SIPA1L1: variants seen among roughly 807,000 people sequenced by gnomAD.
The protein encoded by SIPA1L1 is signal-induced proliferation-associated 1-like protein 1.
Under a neutral mutation model 162.7 loss-of-function variants are expected in SIPA1L1, and 26 were observed. The ratio of observed to expected loss-of-function variants is 0.16; its 90% CI spans 0.12 to 0.22. The LOEUF is 0.22. Ranked by LOEUF, SIPA1L1 falls within the 10% of genes least tolerant of loss-of-function variation. SIPA1L1 has a pLI of 1.00. For synonymous variants in SIPA1L1, 829 were observed against 837.4 expected, an observed-to-expected ratio of 0.99 and a Z score of 0.17; for missense variants, 1,874 against 2,241.0, an observed-to-expected ratio of 0.84 and a Z score of 3.31.
At chr14:71,525,565 A>G (rs2052781572) in intron 3 of SIPA1L1, among the ~76,000 whole-genome samples, 1 of 152,178 alleles carries the variant, frequency 6.6e-6, no homozygotes, top group South Asian at 2.1e-4. Context: ...AAGCCCATAC[A>G]ATAGAACGTA....
chr14:71,704,624 A>G (rs1217503172), intron 15 of SIPA1L1: 2 of 813,954 alleles, frequency 2.5e-6, no homozygotes, highest in African/African-American at 1.7e-5. Flanking sequence ...TTTATCTCTC[A>G]CTTTTGGAAC....
At position 71,671,722 on chromosome 14, in the gene SIPA1L1, C is replaced by T. The variant is rs772470331; in HGVS notation, c.2829+30C>T. On this transcript the variant is annotated intron_variant, in intron 11 of 23. Transcript: ENST00000381232. ...GTCTCTCCTTCCTCTTCCTTACATGCAGTTTCTCTTTCATAAAGTTTTCAA... is the reference window on the plus strand; with the variant it reads ...GTCTCTCCTTCCTCTTCCTTACATGTAGTTTCTCTTTCATAAAGTTTTCAA... 12 of 1,506,240 alleles carry T rather than the reference C, an allele frequency of 8.0e-6. No individual in the cohort carries two copies. The Admixed American group carries it at 8.2e-5, about 10-fold the overall frequency. The allele number at this position is 1,506,240 out of a possible 1,614,324, so 93.3% of individuals were successfully genotyped here.
At chr14:71,321,230 G>A (rs936428180) in intron 2 of SIPA1L1, 49 bp downstream of exon 2, 1 of 152,198 alleles carries the variant, frequency 6.6e-6, no homozygotes, top group African/African-American at 2.4e-5. Context: ...GGTGCAGGAC[G>A]GCTGACAGCC....
At chr14:71,531,005 C>T (rs1371980826) in intron 4 of SIPA1L1, among the ~76,000 whole-genome samples, 1 of 152,162 alleles carries the variant, frequency 6.6e-6, no homozygotes, top group Non-Finnish European at 1.5e-5. Flanking sequence ...TTTGAATGGT[C>T]AATGAGTTTG....
Position 71,635,970 on chromosome 14 carries a change from G to A in SIPA1L1, c.1818+11734G>A, listed in dbSNP as rs567856841. Among the ~76,000 whole-genome samples, 9 of 152,178 alleles carry A rather than the reference G, an allele frequency of 5.9e-5. No individual in the cohort carries two copies. In the East Asian group the frequency reaches 1.7e-3, roughly 29 times the overall value. On this transcript the variant is annotated intron_variant, in intron 7 of 23. Coordinates refer to ENST00000381232, the MANE Select transcript of SIPA1L1 (RefSeq NM_001386936.1). Reference sequence around the variant, plus strand: ...CAAAGAAAGTTAACAGAGACAGAGAGGATCATTGCATAATGATGAAGAGGT... The same window carrying A: ...CAAAGAAAGTTAACAGAGACAGAGAAGATCATTGCATAATGATGAAGAGGT...
intron 2 of SIPA1L1, among the ~76,000 whole-genome samples, chr14:71,402,422 C>G (rs933229399): frequency 1.3e-5 from 2 of 151,008 alleles, no homozygotes; most frequent in African/African-American, 4.9e-5. Flanking sequence ...AACCTCAGCT[C>G]TCTGTAACCT....
At chr14:71,466,144 C>T (rs977210191) in intron 2 of SIPA1L1, among the ~76,000 whole-genome samples, 6 of 152,162 alleles carry the variant, frequency 3.9e-5, no homozygotes, top group African/African-American at 1.4e-4. Flanking sequence ...TGAATGAGAT[C>T]ATGTCCAAGT....
intron 2 of SIPA1L1, among the ~76,000 whole-genome samples, chr14:71,416,752 C>CACAT (rs1555418060): frequency 4.0e-5 from 6 of 150,348 alleles, no homozygotes; most frequent in African/African-American, 9.8e-5. Flanking sequence ...CACACACACA[C>CACAT]GCATGCACAC....
intron 4 of SIPA1L1, among the ~76,000 whole-genome samples, chr14:71,545,396 T>C (rs759865921): frequency 4.6e-5 from 7 of 152,232 alleles, no homozygotes; most frequent in Non-Finnish European, 8.8e-5. Context: ...TATAGATGTT[T>C]TGTACATCTT....
At chr14:71,463,139 A>G (rs989762257) in intron 2 of SIPA1L1, among the ~76,000 whole-genome samples, 1 of 152,232 alleles carries the variant, frequency 6.6e-6, no homozygotes, top group Admixed American at 6.5e-5. Flanking sequence ...TGATGGTGGC[A>G]TTAATTTCTG....
At chr14:71,604,408 G>C (rs1308086994) in intron 5 of SIPA1L1, among the ~76,000 whole-genome samples, 1 of 152,106 alleles carries the variant, frequency 6.6e-6, no homozygotes, top group Admixed American at 6.5e-5. Flanking sequence ...CTCCCAGAGT[G>C]CTGGGATTAC....
chr14:71,709,683 T>C lies in SIPA1L1; in HGVS notation c.4208+19T>C, dbSNP rs774542882. 5 of 1,594,936 alleles carry C rather than the reference T, an allele frequency of 3.1e-6. No individual in the cohort carries two copies. In the African/African-American group the frequency reaches 5.4e-5, roughly 17 times the overall value. On this transcript the variant is annotated intron_variant, in intron 17 of 23. Transcript: ENST00000381232. ...ACACAAGGTAACCACCCTTCCCCGCTGTCTGATTCCCAGCCCAGACCTAAG... is the reference window on the plus strand; with the variant it reads ...ACACAAGGTAACCACCCTTCCCCGCCGTCTGATTCCCAGCCCAGACCTAAG...
chr14:71,365,101 A>G (rs991949947), intron 2 of SIPA1L1, among the ~76,000 whole-genome samples: 5 of 151,726 alleles, frequency 3.3e-5, no homozygotes, highest in African/African-American at 1.2e-4. Flanking sequence ...ATCACGGCTC[A>G]CTGCAGCCTT....
At chr14:71,662,818 G>A (rs1248397075) in intron 10 of SIPA1L1, among the ~76,000 whole-genome samples, 1 of 152,202 alleles carries the variant, frequency 6.6e-6, no homozygotes, top group Non-Finnish European at 1.5e-5. Flanking sequence ...AGCTGCTCTG[G>A]TTAGTTGTAG....
intron 7 of SIPA1L1, among the ~76,000 whole-genome samples, chr14:71,636,166 A>T (rs1217197519): frequency 6.6e-6 from 1 of 152,370 alleles, no homozygotes; most frequent in East Asian, 1.9e-4. Flanking sequence ...ACAGAAAATC[A>T]GCAAAGACAT....
rs1366864410 is a variant in SIPA1L1 at position 71,709,263 on chromosome 14, C to G, written c.3807C>G (p.Leu1269=). The G allele has an allele frequency of 6.2e-7, 1 of 1,614,090 alleles. No homozygotes were observed. The highest frequency in any genetic ancestry group is 1.3e-5 in the African/African-American group (1 of 74,940). ...HYSSHSSSNT[L]SSNASSAHSD... is the part of the protein sequence containing the mutation. The stretch of plus-strand genomic sequence containing the variant: ...CGAGCCACTCCAGTAGCAATACTCT[C>G]TCCAGCAATGCGTCAAGTGCCCATA... The change falls in exon 17 of 24, where the codon CTC becomes CTG. Residue 1269 remains leucine (L), a synonymous_variant. Transcript: ENST00000381232.
At chr14:71,491,812 A>ACC (rs986239372) in intron 2 of SIPA1L1, among the ~76,000 whole-genome samples, 16 of 115,982 alleles carry the variant, frequency 1.4e-4, no homozygotes, top group Admixed American at 2.5e-4. Context: ...ACACACACAC[A>ACC]CCCCTTCCCC....
intron 3 of SIPA1L1, among the ~76,000 whole-genome samples, chr14:71,528,910 C>T (rs1240113859): frequency 3.3e-5 from 5 of 152,008 alleles, no homozygotes; most frequent in Non-Finnish European, 1.5e-5. Context: ...GTCAGGAGTT[C>T]GAGACCAGCC....
chr14:71,479,360 T>TGTA (rs2048154606), intron 2 of SIPA1L1, among the ~76,000 whole-genome samples: 1 of 151,754 alleles, frequency 6.6e-6, no homozygotes, highest in Non-Finnish European at 1.5e-5. Context: ...TATGTATGTA[T>TGTA]GTATGTATGT....
Sources: gnomAD v4.1 joint callset for allele counts (sites outside exome capture counted in the v4.1 genomes callset) on GRCh38, gnomAD v4.1.1 for gene constraint, MANE v1.5 for transcripts, NCBI Gene and HGNC (gene_info 2026-07-23, HGNC 2026-07-21) for gene names.